Variants in ABCC3 observed in about 807,000 individuals in gnomAD.
The protein encoded by ABCC3 is ATP binding cassette subfamily C member 3, also known as ATP-binding cassette sub-family C member 3.
In ABCC3, 121 loss-of-function variants were observed where a neutral mutation model predicts 165.3. That is an observed-to-expected ratio of 0.73 (90% CI 0.63 to 0.85). ABCC3 has a LOEUF of 0.85. Among genes scored for constraint, ABCC3 ranks in the 40% least tolerant of loss-of-function variants. The pLI, the probability that ABCC3 is intolerant of heterozygous loss-of-function variation, is 0.00. For missense variants in ABCC3, 1,869 were observed against 1,964.1 expected (o/e 0.95, Z 0.92); for synonymous variants, 733 against 810.1 (o/e 0.90, Z 1.62).
Position 50,664,064 on chromosome 17 carries a change from TG to T in ABCC3, c.1293del (p.Trp431CysfsTer18). 6 of 1,614,222 alleles carry T rather than the reference TG, an allele frequency of 3.7e-6. No individual in the cohort carries two copies. Among genetic ancestry groups the T allele is most frequent in the Non-Finnish European group, 5.1e-6 (6 of 1,180,038 alleles). Reference protein sequence around the residue: ...MDLAPFLNLLWSAPLQIILAI... With the variant: ...MDLAPFLNLLXSAPLQIILAI... ...CCTTGCCCCCTTCCTCAATCTGCTG[TG>T]GTCAGCACCCCTGCAGATCATCCTG... On this transcript the variant is annotated frameshift_variant, in exon 10 of 31. Transcript: ENST00000285238. LOFTEE classifies it high-confidence loss of function.
chr17:50,661,400 C>T (rs1967384416), intron 8 of ABCC3, among the ~76,000 whole-genome samples: 1 of 152,234 alleles, frequency 6.6e-6, no homozygotes, highest in Non-Finnish European at 1.5e-5. Context: ...GGAATTGCCC[C>T]ATTCCCATGT....
chr17:50,639,498 G>A (rs998666745), intron 1 of ABCC3, among the ~76,000 whole-genome samples: 32 of 152,130 alleles, frequency 2.1e-4, no homozygotes, highest in African/African-American at 7.5e-4. Context: ...CAGGGAGGAA[G>A]GACTTGGCAG....
At chr17:50,687,451 C>A in intron 29 of ABCC3, 85 bp from the exon 30 acceptor site, 1 of 1,378,188 alleles carries the variant, frequency 7.3e-7, no homozygotes, top group Non-Finnish European at 1.0e-6. Context: ...TCCTGGGCCA[C>A]TGAGGAGTGA....
chr17:50,673,772 C>T, intron 19 of ABCC3, 114 bp downstream of exon 19: 1 of 1,076,776 alleles, frequency 9.3e-7, no homozygotes, highest in Non-Finnish European at 1.3e-6. Context: ...TTCTGGGAAA[C>T]TTGGGCCATC....
chr17:50,665,630 G>C (rs1712069362), intron 11 of ABCC3, among the ~76,000 whole-genome samples: 1 of 149,440 alleles, frequency 6.7e-6, no homozygotes, highest in Non-Finnish European at 1.5e-5. Flanking sequence ...TTTTGAGACA[G>C]GGTCTCGTTC....
At chr17:50,668,624 G>C (rs1967576837) in intron 14 of ABCC3, 107 bp downstream of exon 14, 1 of 945,572 alleles carries the variant, frequency 1.1e-6, no homozygotes, top group African/African-American at 1.6e-5. Flanking sequence ...TTCTTCCTCT[G>C]TTCACATCTG....
At chr17:50,641,018 C>G (rs570305566) in intron 1 of ABCC3, among the ~76,000 whole-genome samples, 1 of 152,208 alleles carries the variant, frequency 6.6e-6, no homozygotes, top group African/African-American at 2.4e-5. Flanking sequence ...TGACTCTTCT[C>G]ATGACAGAGA....
intron 1 of ABCC3, chr17:50,635,902 G>T: frequency 3.7e-6 from 1 of 269,830 alleles, no homozygotes; most frequent in Non-Finnish European, 7.1e-6. Flanking sequence ...AAATAAATAA[G>T]AAAAGAAAAT....
At chr17:50,687,232 A>G in intron 29 of ABCC3, 1 of 402,638 alleles carries the variant, frequency 2.5e-6, no homozygotes. Context: ...GCAGAGAAAC[A>G]TCACGGCACT....
intron 1 of ABCC3, among the ~76,000 whole-genome samples, chr17:50,648,336 A>ATC (rs1967044300): frequency 6.6e-6 from 1 of 152,206 alleles, no homozygotes; most frequent in Non-Finnish European, 1.5e-5. Context: ...GGCAAGGGGA[A>ATC]GAGCAGGGCT....
chr17:50,669,510 G>A lies in ABCC3; in HGVS notation c.2223G>A (p.Gln741=). 6.2e-7 allele frequency: 1 copy of A among 1,614,200 alleles called. No homozygotes were observed. Among genetic ancestry groups the A allele is most frequent in the Non-Finnish European group, 8.5e-7 (1 of 1,180,022 alleles). Residue 741 remains glutamine, a synonymous_variant, in exon 17 of 31, where the codon CAG becomes CAA. Coordinates refer to ENST00000285238, the MANE Select transcript of ABCC3 (RefSeq NM_003786.4). ...ADLEMLPGGD[Q]TEIGEKGINL... ...TGGAGATGCTGCCTGGTGGGGATCAGACAGAGATTGGAGAGAAGGTACAGA... is the reference window on the plus strand; with the variant it reads ...TGGAGATGCTGCCTGGTGGGGATCAAACAGAGATTGGAGAGAAGGTACAGA...
chr17:50,648,469 G>A (rs1967047399), intron 1 of ABCC3, among the ~76,000 whole-genome samples: 1 of 152,168 alleles, frequency 6.6e-6, no homozygotes, highest in Admixed American at 6.5e-5. Flanking sequence ...TTATTCTGTG[G>A]AATTAAGTAA....
rs776423041 is a variant in ABCC3, at chr17:50,667,691, G to A, written c.1569G>A (p.Gln523=). 1.9e-6 allele frequency: 3 copies of A among 1,614,130 alleles called. No individual in the cohort carries two copies. Among genetic ancestry groups the A allele is most frequent in the Non-Finnish European group, 2.5e-6 (3 of 1,180,040 alleles). ...AGGGCATCAGGCAGGGTGAGCTCCAGCTGCTGCGCACGGCGGCCTACCTCC... is the reference window on the plus strand; with the variant it reads ...AGGGCATCAGGCAGGGTGAGCTCCAACTGCTGCGCACGGCGGCCTACCTCC... ...QVEGIRQGEL[Q]LLRTAAYLHT... is the part of the protein sequence containing the mutation. The change falls in exon 12 of 31, where the codon CAG becomes CAA. Residue 523 remains glutamine, a synonymous_variant. Coordinates refer to ENST00000285238, the MANE Select transcript of ABCC3 (RefSeq NM_003786.4).
intron 2 of ABCC3, among the ~76,000 whole-genome samples, chr17:50,656,349 A>T (rs1227029838): frequency 6.6e-6 from 1 of 152,208 alleles, no homozygotes; most frequent in Non-Finnish European, 1.5e-5. Flanking sequence ...TGCTGGGATT[A>T]GAGGCATGAG....
At chr17:50,686,180 C>T (rs1285379486) in intron 29 of ABCC3, among the ~76,000 whole-genome samples, 8 of 152,120 alleles carry the variant, frequency 5.3e-5, no homozygotes, top group Non-Finnish European at 8.8e-5. Context: ...GGTGACCGAG[C>T]GAGACTTCGT....
In ABCC3 at chr17:50,676,036, C is replaced by G. The variant is rs1458383933; in HGVS notation, c.3013C>G (p.Gln1005Glu). 6.2e-7 allele frequency: 1 copy of G among 1,614,196 alleles called. No individual in the cohort carries two copies. Among genetic ancestry groups the G allele is most frequent in the South Asian group, 1.1e-5 (1 of 91,084 alleles). The change falls in exon 22 of 31, where the codon CAG becomes GAG. Residue 1005 changes from glutamine (Q) to glutamate (E), a missense_variant. Transcript: ENST00000285238. ...AAATGATGCCATGGCAGACAGTAGA[C>G]AGAACAACACTTCCCTGAGGCTGGG... The part of the protein sequence containing the change: ...WTNDAMADSR[Q>E]NNTSLRLGVY...
intron 28 of ABCC3, 41 bp downstream of exon 28, chr17:50,684,148 C>T (rs763982814): frequency 1.9e-6 from 3 of 1,600,978 alleles, no homozygotes; most frequent in Non-Finnish European, 2.5e-6. Context: ...ACCAACGGCC[C>T]TGGAGGCAGG....
At chr17:50,642,949 C>A (rs1321908070) in intron 1 of ABCC3, among the ~76,000 whole-genome samples, 1 of 152,368 alleles carries the variant, frequency 6.6e-6, no homozygotes, top group South Asian at 2.1e-4. Context: ...GGTGTAGTTT[C>A]TCTTTTGTAC....
At chr17:50,650,046 A>C (rs1967085320) in intron 1 of ABCC3, among the ~76,000 whole-genome samples, 1 of 152,348 alleles carries the variant, frequency 6.6e-6, no homozygotes, top group East Asian at 1.9e-4. Context: ...TCCTATTATG[A>C]TCAGACCAAT....
Sources: gnomAD v4.1 joint callset for allele counts (sites outside exome capture counted in the v4.1 genomes callset) on GRCh38, gnomAD v4.1.1 for gene constraint, MANE v1.5 for transcripts, NCBI Gene and HGNC (gene_info 2026-07-23, HGNC 2026-07-21) for gene names.